Variants in RP1 observed in about 807,000 individuals in gnomAD.
The protein encoded by RP1 is RP1 axonemal microtubule associated.
A neutral mutation model predicts 14.8 loss-of-function variants in RP1; 16 were observed. The observed-to-expected ratio is 1.08, with a 90% CI of 0.73 to 1.65. The LOEUF is 1.65. Ranked by LOEUF, RP1 falls within the 40% of genes most tolerant of loss-of-function variation. The pLI is 0.00. For missense variants in RP1, 2,631 were observed against 2,535.0 expected (o/e 1.04, Z -0.81); for synonymous variants, 876 against 883.6 (o/e 0.99, Z 0.15).
At chr8:54,780,032 C>T (rs1810144288) in intron 23 of RP1, among the ~76,000 whole-genome samples, 1 of 152,172 alleles carries the variant, frequency 6.6e-6, no homozygotes, top group South Asian at 2.1e-4. Context: ...GCTTCTCACA[C>T]AACTTTAGTT....
chr8:54,856,306 G>A (rs1214760207), intron 26 of RP1, among the ~76,000 whole-genome samples: 1 of 152,144 alleles, frequency 6.6e-6, no homozygotes, highest in Non-Finnish European at 1.5e-5. Flanking sequence ...GTGACTGAGA[G>A]GGGCATGTTG....
exon 29 of RP1, chr8:54,869,924 T>G: frequency 8.1e-7 from 1 of 1,231,390 alleles, no homozygotes; most frequent in South Asian, 4.1e-5. Flanking sequence ...TAGGAGAGAC[T>G]GGGTCTACCA....
chr8:54,726,360 C>A, exon 17 of RP1: 2 of 1,522,540 alleles, frequency 1.3e-6, no homozygotes, highest in Non-Finnish European at 1.8e-6. Context: ...AGAGAAAACC[C>A]AATGGGAATG....
exon 20 of RP1, chr8:54,754,915 G>A (rs1364832403): frequency 6.6e-7 from 1 of 1,525,542 alleles, no homozygotes; most frequent in South Asian, 1.2e-5. Flanking sequence ...GTAGTAAAAG[G>A]AGGACAAGCT....
At position 54,627,658 on chromosome 8, in the gene RP1, G is replaced by GA; in HGVS notation, c.3776_3777insA (p.Cys1259Ter). 1.9e-6 allele frequency: 3 copies of GA among 1,614,198 alleles called. No homozygotes were observed. The highest frequency in any genetic ancestry group is 2.5e-6 in the Non-Finnish European group (3 of 1,179,992). ...VCVLEVTCSP[C>*]EMCTVNKAYS... is the part of the protein sequence containing the mutation. ...GTTTTGGAAGTGACTTGCTCTCCAT[G>GA]TGAGATGTGCACTGTAAATAAGGCT... Residue 1259 changes from cysteine to a stop codon, truncating the protein, a stop_gained and frameshift_variant, in exon 4 of 4, where the codon TGT (cysteine) becomes TGAT (stop). Coordinates refer to ENST00000220676, the MANE Select transcript of RP1 (RefSeq NM_006269.2). LOFTEE classifies it low-confidence loss of function (END_TRUNC).
intron 22 of RP1, among the ~76,000 whole-genome samples, chr8:54,762,677 CCA>C: frequency 6.6e-6 from 1 of 152,284 alleles, no homozygotes; most frequent in Admixed American, 6.5e-5. Flanking sequence ...TAACAAATTG[CCA>C]CAGATTTGAT....
At chr8:54,766,999 C>G (rs1040060120) in intron 22 of RP1, among the ~76,000 whole-genome samples, 2 of 152,160 alleles carry the variant, frequency 1.3e-5, no homozygotes, top group Non-Finnish European at 2.9e-5. Context: ...ATTTTCTTGT[C>G]TTAATGTGAA....
intron 14 of RP1, chr8:54,706,398 G>T: frequency 6.6e-7 from 1 of 1,521,282 alleles, no homozygotes; most frequent in South Asian, 1.2e-5. Flanking sequence ...AGCAAAACAC[G>T]AGCCCGTTAC....
intron 24 of RP1, among the ~76,000 whole-genome samples, chr8:54,794,727 G>A (rs558558275): frequency 7.2e-5 from 11 of 151,910 alleles, no homozygotes; most frequent in African/African-American, 2.2e-4. Context: ...ATACACAAAC[G>A]GGCTGTATTA....
At chr8:54,739,103 T>C in intron 19 of RP1, 1 of 1,080,046 alleles carries the variant, frequency 9.3e-7, no homozygotes, top group Non-Finnish European at 1.3e-6. Flanking sequence ...TGTAAAGCAG[T>C]GAAAACGGTA....
intron 24 of RP1, among the ~76,000 whole-genome samples, chr8:54,817,492 C>A (rs1348148239): frequency 1.3e-5 from 2 of 152,004 alleles, no homozygotes; most frequent in African/African-American, 4.8e-5. Flanking sequence ...GACAAATGAG[C>A]CTGTCTAGAA....
At chr8:54,679,653 T>G (rs765370086) in intron 11 of RP1, 36 of 1,534,900 alleles carry the variant, frequency 2.3e-5, no homozygotes, top group South Asian at 3.6e-5. Flanking sequence ...GGCTTTAGAT[T>G]ATCTCATATA....
intron 24 of RP1, among the ~76,000 whole-genome samples, chr8:54,792,284 C>T (rs1810481670): frequency 6.6e-6 from 1 of 151,838 alleles, no homozygotes; most frequent in Non-Finnish European, 1.5e-5. Flanking sequence ...TGATATTAAA[C>T]CCTCAATGAC....
At chr8:54,695,507 G>A (rs1807837973) in intron 12 of RP1, among the ~76,000 whole-genome samples, 1 of 151,794 alleles carries the variant, frequency 6.6e-6, no homozygotes, top group Non-Finnish European at 1.5e-5. Context: ...TACCTTTATA[G>A]TTTTATGAAT....
At chr8:54,566,881 C>T (rs1465055553) in intron 1 of RP1, among the ~76,000 whole-genome samples, 1 of 152,208 alleles carries the variant, frequency 6.6e-6, no homozygotes, top group East Asian at 1.9e-4. Flanking sequence ...CTAAGTTAGA[C>T]ATCACTAAAA....
intron 16 of RP1, among the ~76,000 whole-genome samples, chr8:54,725,502 C>A (rs796969552): frequency 5.9e-5 from 9 of 152,310 alleles, no homozygotes; most frequent in African/African-American, 2.2e-4. Flanking sequence ...TGCACCATCA[C>A]TCTGTGTGAT....
chr8:54,733,719 T>C (rs1000593571), intron 17 of RP1, among the ~76,000 whole-genome samples: 3 of 152,174 alleles, frequency 2.0e-5, no homozygotes, highest in African/African-American at 7.2e-5. Context: ...AAAGTGGAAA[T>C]ATCAGTTAAG....
Position 54,869,761 on chromosome 8 carries a change from T to C in RP1, c.4152-82T>C, listed in dbSNP as rs1160895292. On this transcript the variant is annotated intron_variant, in intron 28 of 28. Coordinates refer to the RP1 transcript ENST00000637698. ...TAAAGGCCTCTTTAAATTCTTTCCA[T>C]ATGTTTTTTTTTCCTTTCTAACTAA... The C allele has an allele frequency of 1.0e-5, 5 of 490,552 alleles. No homozygotes were observed. In the East Asian group the frequency reaches 1.4e-4, roughly 14 times the overall value. The allele number at this position is 490,552 out of a possible 1,614,324, so 30.4% of individuals were successfully genotyped here.
At chr8:54,663,824 A>C in exon 7 of RP1, 1 of 1,528,944 alleles carries the variant, frequency 6.5e-7, no homozygotes, top group Non-Finnish European at 8.7e-7. Flanking sequence ...TAGATCGAAG[A>C]GCTCCTTCAA....
Sources: allele counts gnomAD v4.1 joint callset (sites outside exome capture counted in the v4.1 genomes callset), GRCh38; gene constraint gnomAD v4.1.1; transcripts MANE v1.5; gene names NCBI Gene and HGNC (gene_info 2026-07-23, HGNC 2026-07-21).